FGF10: variants seen among roughly 807,000 people sequenced by gnomAD.
The protein encoded by FGF10 is fibroblast growth factor 10, also known as FGF-10.
In FGF10, 2 loss-of-function variants were observed where a neutral mutation model predicts 19.8. The observed-to-expected ratio is 0.10, with a 90% CI of 0.04 to 0.32. FGF10 has a LOEUF of 0.32. FGF10 is among the 10% of genes least tolerant of loss of function. The probability of loss-of-function intolerance (pLI) is 1.00; values close to 1 mark genes in which losing one functional copy is unlikely to be tolerated. For missense variants in FGF10, 191 were observed against 246.3 expected (o/e 0.78, Z 1.50); for synonymous variants, 112 against 94.0 (o/e 1.19, Z -1.10).
At chr5:44,348,605 G>T (rs1326656864) in intron 1 of FGF10, among the ~76,000 whole-genome samples, 2 of 151,310 alleles carry the variant, frequency 1.3e-5, no homozygotes, top group African/African-American at 2.4e-5. Flanking sequence ...TTAGGAGCAG[G>T]TTCCTAGACT....
intron 1 of FGF10, among the ~76,000 whole-genome samples, chr5:44,347,475 T>C (rs1741114567): frequency 6.6e-6 from 1 of 151,780 alleles, no homozygotes; most frequent in Admixed American, 6.6e-5. Flanking sequence ...TCACACATCT[T>C]AGGGCAGTAT....
At chr5:44,318,159 C>T (rs1298285680) in intron 1 of FGF10, among the ~76,000 whole-genome samples, 1 of 152,022 alleles carries the variant, frequency 6.6e-6, no homozygotes, top group East Asian at 1.9e-4. Flanking sequence ...CTTTTGATCC[C>T]ATTTTGCAAT....
intron 1 of FGF10, among the ~76,000 whole-genome samples, chr5:44,320,733 C>CT (rs932066475): frequency 1.7e-4 from 25 of 151,316 alleles, no homozygotes; most frequent in African/African-American, 4.6e-4. Context: ...TTTTTCTCTA[C>CT]TTTTTTTTTC....
At chr5:44,312,028 A>C (rs1281994673) in intron 1 of FGF10, among the ~76,000 whole-genome samples, 1 of 152,028 alleles carries the variant, frequency 6.6e-6, no homozygotes. Flanking sequence ...CCTTCTGTCC[A>C]TGTATCTGTA....
intron 2 of FGF10, among the ~76,000 whole-genome samples, chr5:44,309,359 T>A (rs1354062454): frequency 6.6e-6 from 1 of 152,202 alleles, no homozygotes; most frequent in African/African-American, 2.4e-5. Context: ...AATATACTCC[T>A]GTCATCATTC....
chr5:44,353,627 C>A (rs768133032), intron 1 of FGF10, among the ~76,000 whole-genome samples: 1 of 151,442 alleles, frequency 6.6e-6, no homozygotes, highest in African/African-American at 2.4e-5. Context: ...TTAAAAGATT[C>A]TCTTAACAAA....
At chr5:44,317,763 T>A (rs560377483) in intron 1 of FGF10, among the ~76,000 whole-genome samples, 4 of 152,244 alleles carry the variant, frequency 2.6e-5, no homozygotes, top group East Asian at 1.9e-4. Context: ...AGAGATTTTT[T>A]AAATGTATTT....
intron 1 of FGF10, among the ~76,000 whole-genome samples, chr5:44,324,830 A>C (rs1018934624): frequency 6.6e-6 from 1 of 152,204 alleles, no homozygotes; most frequent in African/African-American, 2.4e-5. Flanking sequence ...AGATTAATAA[A>C]TTAATGTAAA....
At chr5:44,326,249 A>G (rs1313741461) in intron 1 of FGF10, among the ~76,000 whole-genome samples, 2 of 152,162 alleles carry the variant, frequency 1.3e-5, no homozygotes, top group Non-Finnish European at 2.9e-5. Context: ...AGAACTAGGT[A>G]TCTTTTAGTT....
At chr5:44,335,859 A>C (rs1191824839) in intron 1 of FGF10, among the ~76,000 whole-genome samples, 1 of 152,118 alleles carries the variant, frequency 6.6e-6, no homozygotes, top group Non-Finnish European at 1.5e-5. Flanking sequence ...ATATTATTGA[A>C]TATTTAAAAT....
chr5:44,362,952 A>C (rs1189307940), intron 1 of FGF10, among the ~76,000 whole-genome samples: 1 of 151,694 alleles, frequency 6.6e-6, no homozygotes, highest in Non-Finnish European at 1.5e-5. Context: ...GGAGACAGCA[A>C]TTATTAATTA....
chr5:44,301,157 G>A lies in FGF10; in HGVS notation c.*3838C>T, dbSNP rs1417891787. On this transcript the variant is annotated 3_prime_UTR_variant, in exon 3 of 3. Coordinates refer to ENST00000264664, the MANE Select transcript of FGF10 (RefSeq NM_004465.2). ...TTTCAGTTTAAGTTGGAAAAGTCCT[G>A]CTTCATGAAATAAACAAGAACTCTT... is the stretch of plus-strand genomic sequence containing the variant. Among the ~76,000 whole-genome samples, 1 of 151,432 alleles carries A rather than the reference G, an allele frequency of 6.6e-6. No individual in the cohort carries two copies. Among genetic ancestry groups the A allele is most frequent in the African/African-American group, 2.4e-5 (1 of 41,180 alleles).
chr5:44,352,873 T>C (rs1336681337), intron 1 of FGF10, among the ~76,000 whole-genome samples: 3 of 151,674 alleles, frequency 2.0e-5, no homozygotes, highest in African/African-American at 7.2e-5. Context: ...CAATAAATGC[T>C]AACAGAAGTT....
intron 1 of FGF10, among the ~76,000 whole-genome samples, chr5:44,312,518 T>C (rs1027594613): frequency 6.6e-6 from 1 of 152,100 alleles, no homozygotes; most frequent in African/African-American, 2.4e-5. Flanking sequence ...AAATGACTCA[T>C]CAAGATAATT....
intron 1 of FGF10, among the ~76,000 whole-genome samples, chr5:44,339,370 T>C (rs1276554267): frequency 6.6e-6 from 1 of 152,172 alleles, no homozygotes; most frequent in Non-Finnish European, 1.5e-5. Flanking sequence ...GTAGAAATTA[T>C]GATAATTGTT....
chr5:44,332,228 T>C (rs1320331409), intron 1 of FGF10, among the ~76,000 whole-genome samples: 2 of 152,088 alleles, frequency 1.3e-5, no homozygotes, highest in African/African-American at 4.8e-5. Context: ...AAACAGCCAG[T>C]TAATGTCTAG....
In FGF10 at chr5:44,368,163, G is replaced by A. The variant is rs556528671; in HGVS notation, c.325+20195C>T. 2.0e-5 allele frequency among the ~76,000 whole-genome samples: 3 copies of A among 152,070 alleles called. No homozygotes were observed. In the South Asian group the frequency reaches 6.2e-4, roughly 32 times the overall value. ...CAATCAGAGTGCCAGTCACTAATAA[G>A]GACATGAGAGGGTAGGATGGTCTAG... On this transcript the variant is annotated intron_variant, in intron 1 of 2. Coordinates refer to ENST00000264664, the MANE Select transcript of FGF10 (RefSeq NM_004465.2).
intron 1 of FGF10, among the ~76,000 whole-genome samples, chr5:44,367,306 A>AAGAAGAGAT (rs1260947903): frequency 6.6e-6 from 1 of 152,064 alleles, no homozygotes; most frequent in Non-Finnish European, 1.5e-5. Flanking sequence ...TGTAGATGGC[A>AAGAAGAGAT]AGAAGAGATC....
intron 1 of FGF10, among the ~76,000 whole-genome samples, chr5:44,377,594 C>T (rs536633628): frequency 8.9e-4 from 136 of 152,188 alleles, no homozygotes; most frequent in African/African-American, 3.2e-3. Flanking sequence ...AGCTTGTGTC[C>T]TTGAAAATAT....
Sources: allele counts gnomAD v4.1 joint callset (sites outside exome capture counted in the v4.1 genomes callset), GRCh38; gene constraint gnomAD v4.1.1; transcripts MANE v1.5; gene names NCBI Gene and HGNC (gene_info 2026-07-23, HGNC 2026-07-21).